CDK11B: variants seen among roughly 807,000 people sequenced by gnomAD.
CDK11B encodes the protein cyclin dependent kinase 11B.
A neutral mutation model predicts 84.0 loss-of-function variants in CDK11B; 37 were observed. That is an observed-to-expected ratio of 0.44 (90% CI 0.34 to 0.58). CDK11B has a LOEUF of 0.58. CDK11B is among the 20% of genes least tolerant of loss of function. The pLI is 0.02. For synonymous variants in CDK11B, 269 were observed against 309.8 expected, an observed-to-expected ratio of 0.87 and a Z score of 1.38; for missense variants, 427 against 834.0, an observed-to-expected ratio of 0.51 and a Z score of 6.01.
In CDK11B at chr1:1,649,649, TAA is replaced by T. The variant is rs1641628064; in HGVS notation, c.356-14_356-13del. The T allele has an allele frequency of 3.1e-6, 5 of 1,609,504 alleles. No homozygotes were observed. Among genetic ancestry groups the T allele is most frequent in the Non-Finnish European group, 4.2e-6 (5 of 1,177,074 alleles). The stretch of plus-strand genomic sequence containing the variant: ...TCTAGCATGCTTCCCTAATGAGAAA[TAA>T]AGTGTCATGCAAAGAAACCTCACTT... On this transcript the variant is annotated splice_polypyrimidine_tract_variant and intron_variant, in intron 4 of 19. Transcript: ENST00000341832.
Position 1,636,739 on chromosome 1 carries a change from A to T in CDK11B, c.1860T>A (p.Thr620=). 1 of 1,613,914 alleles carries T rather than the reference A, an allele frequency of 6.2e-7. No individual in the cohort carries two copies. The highest frequency in any genetic ancestry group is 8.5e-7 in the Non-Finnish European group (1 of 1,179,864). ...ACTTCCCGGGGAACAGAGGCTTCTG[A>T]GTCAGCAGCTCCCCGAAGATGCAAC... ...SVGCIFGELL[T]QKPLFPGKSE... is the part of the protein sequence containing the mutation. The change falls in exon 17 of 20, where the codon ACT becomes ACA. Residue 620 remains threonine (T), a synonymous_variant. Coordinates refer to ENST00000341832, the MANE Select transcript of CDK11B (RefSeq NM_033486.3).
chr1:1,646,980 C>A (rs1354548964), intron 5 of CDK11B: 1 of 519,376 alleles, frequency 1.9e-6, no homozygotes, highest in Admixed American at 1.9e-5. Flanking sequence ...TGCATTTATT[C>A]TAGTTCAAAC....
intron 5 of CDK11B, chr1:1,646,173 G>A (rs1641081427): frequency 2.4e-6 from 1 of 415,878 alleles, no homozygotes; most frequent in African/African-American, 2.1e-5. Context: ...GTTAGATCTT[G>A]TTTTTCTATC....
Position 1,652,603 on chromosome 1 carries a change from G to A in CDK11B, c.228-37C>T. 5.9e-6 allele frequency: 8 copies of A among 1,353,320 alleles called. No homozygotes were observed. The South Asian group carries it at 1.9e-4, about 32-fold the overall frequency. The allele number at this position is 1,353,320 out of a possible 1,614,324, so 83.8% of individuals were successfully genotyped here. ...CACAACAGCACTGCATCATGCTTGA[G>A]AAAGTGCAAAGAAGCATCAGGCTAT... On this transcript the variant is annotated intron_variant, in intron 3 of 19. Coordinates refer to ENST00000341832, the MANE Select transcript of CDK11B (RefSeq NM_033486.3).
At chr1:1,654,581 C>T (rs555115034) in intron 3 of CDK11B, among the ~76,000 whole-genome samples, 3 of 151,872 alleles carry the variant, frequency 2.0e-5, no homozygotes, top group African/African-American at 7.2e-5. Context: ...CCGCGTCCGG[C>T]CAATATGAAC....
At chr1:1,649,711 A>C in intron 4 of CDK11B, 74 bp from the exon 5 acceptor site, 1 of 1,467,330 alleles carries the variant, frequency 6.8e-7, no homozygotes, top group Non-Finnish European at 9.4e-7. Flanking sequence ...ACGGAGGCTT[A>C]TGCCTGTAAT....
In CDK11B at chr1:1,637,511, C is replaced by T. The variant is rs1241901491; in HGVS notation, c.1467G>A (p.Glu489=). 4 of 1,613,412 alleles carry T rather than the reference C, an allele frequency of 2.5e-6. No homozygotes were observed. The highest frequency in any genetic ancestry group is 2.2e-5 in the East Asian group (1 of 44,874). The change falls in exon 14 of 20, where the codon GAG becomes GAA. Residue 489 remains glutamate, a splice_region_variant and synonymous_variant. Coordinates refer to ENST00000341832, the MANE Select transcript of CDK11B (RefSeq NM_033486.3). ...AQHPNIVTVR[E]IVVGSNMDKI... ...TGTCCATGTTGCTGCCCACCACAAT[C>T]TCCTGCAGGGCACGGCTCTGTGGGT...
chr1:1,649,025 G>T (rs1641542664), intron 5 of CDK11B, among the ~76,000 whole-genome samples: 1 of 152,120 alleles, frequency 6.6e-6, no homozygotes, highest in Non-Finnish European at 1.5e-5. Flanking sequence ...CACTCCCTCA[G>T]GACAGTTCTC....
chr1:1,637,742 C>T lies in CDK11B; in HGVS notation c.1464+20G>A, dbSNP rs750702677. On this transcript the variant is annotated intron_variant, in intron 13 of 19. Coordinates refer to ENST00000341832, the MANE Select transcript of CDK11B (RefSeq NM_033486.3). ...GAAAAGCCTTCCACCCGGGGCCAGG[C>T]GTGGTGGGGCCATGCTCACTCTAAC... 2.9e-5 allele frequency: 47 copies of T among 1,613,656 alleles called. No homozygotes were observed. The highest frequency in any genetic ancestry group is 4.0e-5 in the African/African-American group (3 of 74,966).
Position 1,637,243 on chromosome 1 carries a change from C to A in CDK11B, c.1571-41G>T, listed in dbSNP as rs562563853. The A allele has an allele frequency of 1.9e-4, 308 of 1,606,838 alleles. 3 individuals carry two copies. Among genetic ancestry groups the A allele is most frequent in the South Asian group, 1.2e-3 (109 of 90,290 alleles). On this transcript the variant is annotated intron_variant, in intron 14 of 19. Coordinates refer to ENST00000341832, the MANE Select transcript of CDK11B (RefSeq NM_033486.3). ...GCTCCCATGTGGACCTGGCTGCCCCCAGCCCAGGGCACTCAGGGTGGCCCA... is the reference window on the plus strand; with the variant it reads ...GCTCCCATGTGGACCTGGCTGCCCCAAGCCCAGGGCACTCAGGGTGGCCCA...
rs1474057081 is a variant in CDK11B at position 1,639,253 on chromosome 1, T to C, written c.1252-663A>G. Among the ~76,000 whole-genome samples the C allele has an allele frequency of 4.0e-5, 6 of 151,754 alleles. 1 individual carries two copies. The highest frequency in any genetic ancestry group is 2.0e-4 in the Admixed American group (3 of 15,210). On this transcript the variant is annotated intron_variant, in intron 11 of 19. Transcript: ENST00000341832. ...ACTGTGCCCGGTCAAAACTCCTTTC[T>C]ACAAAATAAAAAAATTAGCCAGGCA... is the stretch of plus-strand genomic sequence containing the variant.
chr1:1,652,448 C>G lies in CDK11B; in HGVS notation c.346G>C (p.Ala116Pro). The change falls in exon 4 of 20, where the codon GCA becomes CCA. Residue 116 changes from alanine to proline, a missense_variant. Physicochemically the swap from Ala to Pro is conservative, Grantham distance 27 (BLOSUM62 -1). Transcript: ENST00000341832. ...KEKRRHRSHS[A>P]EGGKHARVKE... ...GTAAATGCTTCTGTACCCCCTTCTG[C>G]TGAATGGCTACGATGCCTACGTTTC... The G allele has an allele frequency of 6.6e-7, 1 of 1,504,782 alleles. No individual in the cohort carries two copies. Among genetic ancestry groups the G allele is most frequent in the Non-Finnish European group, 8.8e-7 (1 of 1,136,856 alleles). 93.2% of individuals were successfully genotyped at this position (1,504,782 alleles called of 1,614,324 possible). A position where few individuals can be genotyped will look rare whatever the true frequency, so the allele number is the denominator to read the frequency against.
Position 1,637,717 on chromosome 1 carries a change from G to A in CDK11B, c.1464+45C>T, listed in dbSNP as rs774997243. Reference sequence around the variant, plus strand: ...CCCAGGACAGCACGGGGCCCTGTCAGAAAAGCCTTCCACCCGGGGCCAGGC... The same window carrying A: ...CCCAGGACAGCACGGGGCCCTGTCAAAAAAGCCTTCCACCCGGGGCCAGGC... On this transcript the variant is annotated intron_variant, in intron 13 of 19. Transcript: ENST00000341832. 10 of 1,613,662 alleles carry A rather than the reference G, an allele frequency of 6.2e-6. No homozygotes were observed. The South Asian group carries it at 6.6e-5, about 11-fold the overall frequency.
intron 3 of CDK11B, among the ~76,000 whole-genome samples, chr1:1,654,453 T>A (rs1270688328): frequency 6.6e-6 from 1 of 152,168 alleles, no homozygotes; most frequent in Admixed American, 6.5e-5. Context: ...ATCTTCTTTT[T>A]TTTATTTTGT....
Position 1,649,764 on chromosome 1 carries a change from C to T in CDK11B, c.356-127G>A. The T allele has an allele frequency of 4.8e-6, 4 of 833,844 alleles. 1 individual carries two copies. The South Asian group carries it at 6.9e-5, about 14-fold the overall frequency. 51.7% of individuals were successfully genotyped at this position (833,844 alleles called of 1,614,324 possible). ...CTGAGGCGGGCGGATCACCTGAGGT[C>T]AGGAGTTCAAGGCCATCCTGGCCAA... On this transcript the variant is annotated intron_variant, in intron 4 of 19. Transcript: ENST00000341832.
intron 2 of CDK11B, among the ~76,000 whole-genome samples, chr1:1,656,363 T>C (rs1004185338): frequency 3.3e-5 from 5 of 152,042 alleles, no homozygotes; most frequent in African/African-American, 7.2e-5. Flanking sequence ...TGCTGGCAGG[T>C]GCCTGTAGTC....
chr1:1,653,161 A>G (rs1328599194), intron 3 of CDK11B, among the ~76,000 whole-genome samples: 5 of 151,734 alleles, frequency 3.3e-5, no homozygotes, highest in Admixed American at 6.6e-5. Flanking sequence ...AGTAGCTGGG[A>G]TTACAGGCAT....
At chr1:1,646,116 A>C in intron 5 of CDK11B, 1 of 473,940 alleles carries the variant, frequency 2.1e-6, no homozygotes, top group Non-Finnish European at 4.3e-6. Flanking sequence ...ATGACAGCTG[A>C]TGTTTGTACG....
intron 15 of CDK11B, 33 bp downstream of exon 15, chr1:1,637,048 T>C (rs534057323): frequency 2.5e-6 from 4 of 1,611,706 alleles, no homozygotes; most frequent in Non-Finnish European, 3.4e-6. Context: ...CCGGCAGGTC[T>C]CCCTGGGATG....
Sources: allele counts gnomAD v4.1 joint callset (sites outside exome capture counted in the v4.1 genomes callset), GRCh38; gene constraint gnomAD v4.1.1; transcripts MANE v1.5; gene names NCBI Gene and HGNC (gene_info 2026-07-23, HGNC 2026-07-21).